Variants in DGKI observed in about 807,000 individuals in gnomAD.
DGKI encodes diacylglycerol kinase iota.
DGKI carries 55 observed loss-of-function variants against 147.5 expected under a neutral mutation model. The observed-to-expected ratio is 0.37, with a 90% CI of 0.30 to 0.47. The LOEUF (loss-of-function observed/expected upper bound fraction) is 0.47. Ranked by LOEUF, DGKI falls within the 20% of genes least tolerant of loss-of-function variation. The pLI, the probability that DGKI is intolerant of heterozygous loss-of-function variation, is 1.00. For synonymous variants in DGKI, 469 were observed against 477.1 expected (o/e 0.98, Z 0.22); for missense variants, 1,007 against 1,323.8 (o/e 0.76, Z 3.71).
At position 137,676,613 on chromosome 7, in the gene DGKI, G is replaced by A. The variant is rs578186332; in HGVS notation, c.606+1944C>T. Among the ~76,000 whole-genome samples, 27 of 152,156 alleles carry A rather than the reference G, an allele frequency of 1.8e-4. 1 individual carries two copies. The highest frequency in any genetic ancestry group is 3.3e-4 in the Admixed American group (5 of 15,280). On this transcript the variant is annotated intron_variant, in intron 3 of 32. Coordinates refer to ENST00000614521, the MANE Select transcript of DGKI (RefSeq NM_001321708.2). ...GAGGAGAGTTCTTCATCTTTCAGAC[G>A]TTTTGTAATATGAGTTAATAGGGCC...
chr7:137,632,133 T>C (rs983320160), intron 6 of DGKI, among the ~76,000 whole-genome samples: 6 of 152,192 alleles, frequency 3.9e-5, no homozygotes, highest in African/African-American at 7.2e-5. Context: ...TAGAGAGCTA[T>C]GGAAATGGTT....
intron 21 of DGKI, among the ~76,000 whole-genome samples, chr7:137,508,512 C>T (rs1816454301): frequency 2.0e-5 from 3 of 152,168 alleles, no homozygotes; most frequent in South Asian, 4.2e-4. Context: ...AGGCTTGAGC[C>T]ACCATGCCCG....
chr7:137,748,602 C>T (rs148706718), intron 1 of DGKI, among the ~76,000 whole-genome samples: 294 of 152,282 alleles, frequency 1.9e-3, no homozygotes, highest in Non-Finnish European at 3.3e-3. Context: ...AGTCCTCTTA[C>T]AGTCTAGTAT....
intron 1 of DGKI, among the ~76,000 whole-genome samples, chr7:137,801,439 AAAC>A (rs1460293746): frequency 6.6e-6 from 1 of 152,254 alleles, no homozygotes; most frequent in Non-Finnish European, 1.5e-5. Context: ...GTGCAAAAAT[AAAC>A]AACAAAAGCA....
intron 2 of DGKI, among the ~76,000 whole-genome samples, chr7:137,680,532 C>T (rs957090514): frequency 3.0e-4 from 45 of 152,186 alleles, no homozygotes; most frequent in Admixed American, 3.9e-4. Flanking sequence ...GTAATCCCAG[C>T]GCTTCAGGAG....
chr7:137,536,090 T>C (rs569058207), intron 20 of DGKI, among the ~76,000 whole-genome samples: 42 of 148,330 alleles, frequency 2.8e-4, no homozygotes, highest in African/African-American at 8.5e-4. Context: ...AAAGTTTATA[T>C]AATATGATTG....
At chr7:137,487,829 C>A in intron 21 of DGKI, 140 bp from the exon 22 acceptor site, 1 of 717,698 alleles carries the variant, frequency 1.4e-6, no homozygotes, top group Middle Eastern at 3.5e-4. Flanking sequence ...GAAAGAAGTA[C>A]TTTCTCCCTA....
At chr7:137,777,464 C>G (rs1286743279) in intron 1 of DGKI, among the ~76,000 whole-genome samples, 1 of 152,204 alleles carries the variant, frequency 6.6e-6, no homozygotes, top group African/African-American at 2.4e-5. Context: ...CTCCCTGTGT[C>G]TCACAGCAGC....
intron 6 of DGKI, among the ~76,000 whole-genome samples, chr7:137,632,584 C>T (rs1436555957): frequency 2.6e-5 from 4 of 152,100 alleles, no homozygotes; most frequent in Non-Finnish European, 5.9e-5. Flanking sequence ...ACAGGCCGGG[C>T]ATGGTGGCTC....
At position 137,384,426 on chromosome 7, in the gene DGKI, A is replaced by G. The variant is rs1167819341; in HGVS notation, c.*6794T>C. ...TTTTTTTTTCATGGAGGCAACTTCT[A>G]TATTATGGAAATCTGAACAATTGAT... On this transcript the variant is annotated 3_prime_UTR_variant, in exon 33 of 33. Transcript: ENST00000614521. 1 of 150,054 alleles carries G rather than the reference A, an allele frequency of 6.7e-6. No homozygotes were observed. Among genetic ancestry groups the G allele is most frequent in the African/African-American group, 2.4e-5 (1 of 40,904 alleles). 9.3% of individuals were successfully genotyped at this position (150,054 alleles called of 1,614,324 possible).
At chr7:137,623,643 G>A in intron 6 of DGKI, 89 bp from the exon 7 acceptor site, 4 of 1,098,236 alleles carry the variant, frequency 3.6e-6, no homozygotes, top group Non-Finnish European at 5.6e-6. Context: ...ACGTGAATAA[G>A]GCCAGAAGGC....
At chr7:137,553,151 T>C (rs545471857) in intron 19 of DGKI, among the ~76,000 whole-genome samples, 1 of 152,372 alleles carries the variant, frequency 6.6e-6, no homozygotes, top group Admixed American at 6.5e-5. Flanking sequence ...AGCATGTTAG[T>C]TTAATACAAA....
intron 10 of DGKI, among the ~76,000 whole-genome samples, chr7:137,605,069 A>G (rs1486731887): frequency 6.6e-6 from 1 of 152,110 alleles, no homozygotes; most frequent in Non-Finnish European, 1.5e-5. Context: ...GCACTTTGGG[A>G]GGCCAAGGCG....
At chr7:137,571,644 A>C (rs1049848078) in intron 18 of DGKI, among the ~76,000 whole-genome samples, 10 of 152,224 alleles carry the variant, frequency 6.6e-5, no homozygotes, top group African/African-American at 2.4e-4. Flanking sequence ...TGCCAGTAGA[A>C]AAGAGACAGG....
chr7:137,676,018 C>A (rs1479537699), intron 3 of DGKI, among the ~76,000 whole-genome samples: 2 of 152,162 alleles, frequency 1.3e-5, no homozygotes, highest in African/African-American at 4.8e-5. Context: ...CTTGGGCACC[C>A]CACTCTGGGT....
intron 28 of DGKI, among the ~76,000 whole-genome samples, chr7:137,436,295 G>T (rs1813283591): frequency 6.6e-6 from 1 of 152,082 alleles, no homozygotes; most frequent in Non-Finnish European, 1.5e-5. Flanking sequence ...GTTTTTCTGT[G>T]TCAAGGGTTT....
chr7:137,587,012 C>A lies in DGKI; in HGVS notation c.1425+85G>T, dbSNP rs1367554377. Reference sequence around the variant, plus strand: ...TATGCCTGGGACAGCAGCAGCAGTACCCCCCTCTTCCATTAGAACATCAGT... The same window carrying A: ...TATGCCTGGGACAGCAGCAGCAGTAACCCCCTCTTCCATTAGAACATCAGT... On this transcript the variant is annotated intron_variant, in intron 13 of 32. Coordinates refer to ENST00000614521, the MANE Select transcript of DGKI (RefSeq NM_001321708.2). 7 of 972,182 alleles carry A rather than the reference C, an allele frequency of 7.2e-6. No individual in the cohort carries two copies. The East Asian group carries it at 1.4e-4, about 19-fold the overall frequency. The allele number at this position is 972,182 out of a possible 1,614,324, so 60.2% of individuals were successfully genotyped here.
chr7:137,561,958 A>T (rs1201835792), intron 19 of DGKI, among the ~76,000 whole-genome samples: 3 of 152,214 alleles, frequency 2.0e-5, no homozygotes, highest in Non-Finnish European at 2.9e-5. Flanking sequence ...TAAAATAAAG[A>T]CATTTTCAGA....
chr7:137,605,382 AGT>A (rs1820149800), intron 10 of DGKI, among the ~76,000 whole-genome samples: 2 of 151,032 alleles, frequency 1.3e-5, no homozygotes, highest in African/African-American at 4.8e-5. Flanking sequence ...AAATAAAAAA[AGT>A]TGAAATTTTG....
Sources: allele counts gnomAD v4.1 joint callset (sites outside exome capture counted in the v4.1 genomes callset), GRCh38; gene constraint gnomAD v4.1.1; transcripts MANE v1.5; gene names NCBI Gene and HGNC (gene_info 2026-07-23, HGNC 2026-07-21).